SHPRH: variants seen among roughly 807,000 people sequenced by gnomAD.
The protein encoded by SHPRH is E3 ubiquitin-protein ligase SHPRH.
A neutral mutation model predicts 202.5 loss-of-function variants in SHPRH; 106 were observed. The ratio of observed to expected loss-of-function variants is 0.52; its 90% CI spans 0.45 to 0.62. SHPRH has a LOEUF of 0.62. Ranked by LOEUF, SHPRH falls within the 20% of genes least tolerant of loss-of-function variation. The probability of loss-of-function intolerance (pLI) is 0.00; values close to 1 mark genes in which losing one functional copy is unlikely to be tolerated. For synonymous variants in SHPRH, 729 were observed against 686.0 expected (o/e 1.06, Z -0.98); for missense variants, 1,710 against 2,020.0 (o/e 0.85, Z 2.94).
chr6:145,932,511 G>A (rs1785579119), intron 14 of SHPRH, among the ~76,000 whole-genome samples: 1 of 152,108 alleles, frequency 6.6e-6, no homozygotes, highest in Non-Finnish European at 1.5e-5. Context: ...TACGTTCTGT[G>A]TGTGTGTGTG....
intron 25 of SHPRH, chr6:145,910,212 T>A (rs959797023): frequency 2.4e-6 from 1 of 412,488 alleles, no homozygotes; most frequent in African/African-American, 2.0e-5. Context: ...TGTTACATTT[T>A]AGTCACAGTG....
chr6:145,934,339 G>T (rs139685282), intron 13 of SHPRH, among the ~76,000 whole-genome samples: 6,100 of 151,948 alleles, frequency 0.04, 402 homozygotes, highest in African/African-American at 0.13. Flanking sequence ...GGTGGCACAT[G>T]TCTGTAATCC....
chr6:145,963,770 T>C lies in SHPRH; in HGVS notation c.-72A>G, dbSNP rs1273060874. Reference sequence around the variant, plus strand: ...AAAGACCCACAAGCGGCTCCCGGAGTCTGAGCGGGGCTGTCAGCGCCGGAT... The same window carrying C: ...AAAGACCCACAAGCGGCTCCCGGAGCCTGAGCGGGGCTGTCAGCGCCGGAT... On this transcript the variant is annotated 5_prime_UTR_variant, in exon 1 of 30. Coordinates refer to ENST00000275233, the MANE Select transcript of SHPRH (RefSeq NM_001042683.3). The C allele has an allele frequency of 1.3e-5, 2 of 152,090 alleles. No homozygotes were observed. Among genetic ancestry groups the C allele is most frequent in the Non-Finnish European group, 2.9e-5 (2 of 68,036 alleles). 9.4% of individuals were successfully genotyped at this position (152,090 alleles called of 1,614,324 possible). A position where few individuals can be genotyped will look rare whatever the true frequency, so the allele number is the denominator to read the frequency against.
downstream of SHPRH, chr6:145,884,379 G>A (rs889864574): frequency 6.6e-6 from 1 of 152,132 alleles, no homozygotes; most frequent in Non-Finnish European, 1.5e-5. Flanking sequence ...TACATTGTAT[G>A]TATCTTTTTA....
chr6:145,929,691 T>C (rs1785231663), intron 14 of SHPRH, among the ~76,000 whole-genome samples: 1 of 152,026 alleles, frequency 6.6e-6, no homozygotes, highest in Admixed American at 6.6e-5. Context: ...TAATCAACAA[T>C]ACACTGCTAG....
chr6:145,924,775 A>G lies in SHPRH; in HGVS notation c.3366T>C (p.Tyr1122=). 1 of 1,611,876 alleles carries G rather than the reference A, an allele frequency of 6.2e-7. No individual in the cohort carries two copies. Among genetic ancestry groups the G allele is most frequent in the Non-Finnish European group, 8.5e-7 (1 of 1,178,486 alleles). The change falls in exon 17 of 30, where the codon TAT becomes TAC. Residue 1122 remains tyrosine (Y), a synonymous_variant. Coordinates refer to ENST00000275233, the MANE Select transcript of SHPRH (RefSeq NM_001042683.3). ...TEVAEAQQAL[Y]PVQQTIHELQ... Reference sequence around the variant, plus strand: ...GCTCATGGATGGTCTGCTGCACAGGATATAAAGCTTGCTGGGCTTCAGCAA... The same window carrying G: ...GCTCATGGATGGTCTGCTGCACAGGGTATAAAGCTTGCTGGGCTTCAGCAA...
At chr6:145,900,037 C>A (rs1212985845) in intron 25 of SHPRH, among the ~76,000 whole-genome samples, 1 of 152,012 alleles carries the variant, frequency 6.6e-6, no homozygotes, top group Non-Finnish European at 1.5e-5. Context: ...AAAGGAAACC[C>A]TTGTACACCA....
At chr6:145,858,606 AC>A in the SHPRH span, among the ~76,000 whole-genome samples, 1 of 151,976 alleles carries the variant, frequency 6.6e-6, no homozygotes, top group Admixed American at 6.6e-5. Context: ...GCATGAGGAA[AC>A]TTTTTGGGGT....
At chr6:145,881,386 G>A (rs1780562325), downstream of SHPRH, among the ~76,000 whole-genome samples, 1 of 152,132 alleles carries the variant, frequency 6.6e-6, no homozygotes, top group South Asian at 2.1e-4. Flanking sequence ...TGTCTTACAT[G>A]GTGGCAGGCA....
intron 11 of SHPRH, among the ~76,000 whole-genome samples, chr6:145,937,139 A>G (rs1361947013): frequency 6.6e-6 from 1 of 151,886 alleles, no homozygotes; most frequent in Non-Finnish European, 1.5e-5. Context: ...GTCTGCCACC[A>G]TGTCCAGCTA....
chr6:145,883,119 AAG>A (rs1380622141), downstream of SHPRH: 1 of 152,154 alleles, frequency 6.6e-6, no homozygotes, highest in Non-Finnish European at 1.5e-5. Flanking sequence ...AGCAGGGAAA[AAG>A]TTATTAATTT....
intron 2 of SHPRH, among the ~76,000 whole-genome samples, chr6:145,874,440 TGCAAACTCTCTGTTAATGACA>T (rs1337513511): frequency 6.6e-6 from 1 of 152,128 alleles, no homozygotes; most frequent in African/African-American, 2.4e-5. Flanking sequence ...TGAGTGTATT[TGCAAACTCTCTGTTAATGACA>T]GCATTTTTTT....
At chr6:145,954,032 G>A (rs1291005334) in intron 2 of SHPRH, among the ~76,000 whole-genome samples, 1 of 151,718 alleles carries the variant, frequency 6.6e-6, no homozygotes, top group Non-Finnish European at 1.5e-5. Context: ...TCTGAGGAGA[G>A]GGCACATAAT....
At chr6:145,891,425 G>A (rs1175402987) in intron 28 of SHPRH, among the ~76,000 whole-genome samples, 2 of 152,020 alleles carry the variant, frequency 1.3e-5, no homozygotes, top group Non-Finnish European at 2.9e-5. Context: ...CCCAAACATT[G>A]CACTTTTACT....
intron 25 of SHPRH, chr6:145,904,807 C>A (rs909535832): frequency 6.6e-6 from 1 of 152,022 alleles, no homozygotes; most frequent in Non-Finnish European, 1.5e-5. Context: ...TTAGTAAATT[C>A]TATAAACTTA....
intron 2 of SHPRH, chr6:145,877,549 C>T (rs1780357600): frequency 6.6e-6 from 1 of 152,188 alleles, no homozygotes; most frequent in Non-Finnish European, 1.5e-5. Flanking sequence ...CCTTGCCATG[C>T]CTCGAAATTG....
In SHPRH at chr6:145,921,184, A is replaced by G. The variant is rs1466854916; in HGVS notation, c.3991T>C (p.Trp1331Arg). Reference protein sequence around the residue: ...GSTSMDLFEAWKKEYKLLHEY... With the variant: ...GSTSMDLFEARKKEYKLLHEY... Reference sequence around the variant, plus strand: ...TACTATACCTTATATTCCTTCTTCCATGCTTCAAAGAGATCCATTGAAGTG... The same window carrying G: ...TACTATACCTTATATTCCTTCTTCCGTGCTTCAAAGAGATCCATTGAAGTG... The change falls in exon 21 of 30, where the codon TGG becomes CGG. Residue 1331 changes from tryptophan (W) to arginine (R), a missense_variant. By Grantham distance (101) the Trp-to-Arg change is moderately radical. Coordinates refer to ENST00000275233, the MANE Select transcript of SHPRH (RefSeq NM_001042683.3). 6.2e-7 allele frequency: 1 copy of G among 1,612,198 alleles called. No homozygotes were observed. The highest frequency in any genetic ancestry group is 8.5e-7 in the Non-Finnish European group (1 of 1,178,872).
chr6:145,949,658 C>T (rs1787772300), intron 4 of SHPRH, among the ~76,000 whole-genome samples: 1 of 151,854 alleles, frequency 6.6e-6, no homozygotes, highest in African/African-American at 2.4e-5. Flanking sequence ...TACTAAAAGC[C>T]CAGACTTCAC....
chr6:145,907,920 T>G (rs1488718347), intron 25 of SHPRH: 2 of 152,102 alleles, frequency 1.3e-5, no homozygotes, highest in Non-Finnish European at 2.9e-5. Flanking sequence ...CTCTCCTTAC[T>G]CCCCTGCCCC....
Sources: allele counts gnomAD v4.1 joint callset (sites outside exome capture counted in the v4.1 genomes callset), GRCh38; gene constraint gnomAD v4.1.1; transcripts MANE v1.5; gene names NCBI Gene and HGNC (gene_info 2026-07-23, HGNC 2026-07-21).